NUP93: variants seen among roughly 807,000 people sequenced by gnomAD.
The protein encoded by NUP93 is nuclear pore complex protein Nup93.
NUP93 carries 55 observed loss-of-function variants against 107.8 expected under a neutral mutation model. The ratio of observed to expected loss-of-function variants is 0.51; its 90% CI spans 0.41 to 0.64. The LOEUF (loss-of-function observed/expected upper bound fraction) is 0.64, where lower values mean the gene tolerates loss of function less well. NUP93 is among the 30% of genes least tolerant of loss of function. The probability of loss-of-function intolerance (pLI) is 0.00; values close to 1 mark genes in which losing one functional copy is unlikely to be tolerated. For missense variants in NUP93, 937 were observed against 1,044.7 expected, an observed-to-expected ratio of 0.90 and a Z score of 1.42; for synonymous variants, 390 against 397.5, an observed-to-expected ratio of 0.98 and a Z score of 0.22.
At chr16:56,842,932 C>T (rs1286441586) in intron 21 of NUP93, among the ~76,000 whole-genome samples, 6 of 152,194 alleles carry the variant, frequency 3.9e-5, no homozygotes, top group African/African-American at 1.4e-4. Flanking sequence ...ATCTCAGTGT[C>T]TAACATCAGA....
chr16:56,759,537 A>C (rs1302768748), intron 3 of NUP93, among the ~76,000 whole-genome samples: 2 of 152,218 alleles, frequency 1.3e-5, no homozygotes, highest in African/African-American at 2.4e-5. Context: ...TGAGAGTTGA[A>C]GAACTATAGA....
intron 3 of NUP93, among the ~76,000 whole-genome samples, chr16:56,792,208 A>G (rs1026762268): frequency 6.6e-6 from 1 of 152,128 alleles, no homozygotes; most frequent in Admixed American, 6.6e-5. Flanking sequence ...ACAAAAAAAC[A>G]AAAAACTGGT....
intron 3 of NUP93, among the ~76,000 whole-genome samples, chr16:56,784,347 A>C (rs77755067): frequency 0.1 from 15,211 of 152,240 alleles, 782 homozygotes; most frequent in East Asian, 0.15. Context: ...TGATTAAAAT[A>C]CACAAGAAAC....
At chr16:56,773,364 G>T (rs1962356442) in intron 3 of NUP93, among the ~76,000 whole-genome samples, 1 of 152,172 alleles carries the variant, frequency 6.6e-6, no homozygotes, top group Non-Finnish European at 1.5e-5. Context: ...TATGGGATGG[G>T]GTTTATTTTG....
chr16:56,748,023 G>T (rs925412103), intron 1 of NUP93: 16 of 409,376 alleles, frequency 3.9e-5, no homozygotes, highest in African/African-American at 2.6e-4. Flanking sequence ...AATATGCACA[G>T]AAATGATCTG....
At chr16:56,841,882 G>A in intron 21 of NUP93, 49 bp downstream of exon 21, 1 of 1,607,034 alleles carries the variant, frequency 6.2e-7, no homozygotes, top group Non-Finnish European at 8.5e-7. Flanking sequence ...CACCTTTCTG[G>A]TTTGGAATCC....
chr16:56,775,191 G>A (rs1212598450), intron 3 of NUP93, among the ~76,000 whole-genome samples: 6 of 152,108 alleles, frequency 3.9e-5, no homozygotes, highest in Non-Finnish European at 5.9e-5. Flanking sequence ...GTGAGCCACC[G>A]CGCCCAGCCC....
rs1446382116 is a variant in NUP93, at chr16:56,823,074, G to A, written c.655-633G>A. On this transcript the variant is annotated intron_variant, in intron 7 of 21. Transcript: ENST00000308159. ...TTTAAGGAGCCATTTACAGGCAGAA[G>A]GATTCTGGGGAGAGGGAGTCCCAGC... Among the ~76,000 whole-genome samples the A allele has an allele frequency of 3.9e-5, 6 of 152,284 alleles. No homozygotes were observed. The East Asian group carries it at 1.2e-3, about 29-fold the overall frequency.
chr16:56,787,038 G>A (rs777965812), intron 3 of NUP93, among the ~76,000 whole-genome samples: 9 of 152,220 alleles, frequency 5.9e-5, no homozygotes, highest in Non-Finnish European at 1.0e-4. Context: ...AGCTCTGACA[G>A]GGTAAAGTCA....
intron 5 of NUP93, among the ~76,000 whole-genome samples, chr16:56,812,875 A>T (rs1796469937): frequency 6.6e-6 from 1 of 152,232 alleles, no homozygotes; most frequent in African/African-American, 2.4e-5. Flanking sequence ...GCATCTGCTC[A>T]GCATGAGGAA....
chr16:56,806,272 C>T (rs1963137264), intron 5 of NUP93, among the ~76,000 whole-genome samples: 1 of 151,840 alleles, frequency 6.6e-6, no homozygotes, highest in African/African-American at 2.4e-5. Flanking sequence ...CAGTCTCTTT[C>T]ACATGTTGAC....
intron 1 of NUP93, among the ~76,000 whole-genome samples, chr16:56,746,636 T>A (rs750188397): frequency 2.0e-5 from 3 of 152,256 alleles, no homozygotes; most frequent in Non-Finnish European, 4.4e-5. Flanking sequence ...AAGTTCTTAA[T>A]GGATTTATGG....
In NUP93 at chr16:56,849,567, G is replaced by T. The variant is rs1298144245; in HGVS notation, c.*4958G>T. 1 of 152,270 alleles carries T rather than the reference G, an allele frequency of 6.6e-6. No homozygotes were observed. 9.4% of individuals were successfully genotyped at this position (152,270 alleles called of 1,614,324 possible). On this transcript the variant is annotated 3_prime_UTR_variant, in exon 22 of 22. Coordinates refer to ENST00000308159, the MANE Select transcript of NUP93 (RefSeq NM_014669.5). ...GCCTCAGCAGACCTGGCCTAGGCAGGCTTTCAGGTGGCACCCAGGGGCTTT... is the reference window on the plus strand; with the variant it reads ...GCCTCAGCAGACCTGGCCTAGGCAGTCTTTCAGGTGGCACCCAGGGGCTTT...
chr16:56,810,666 A>G (rs1302566945), intron 5 of NUP93, among the ~76,000 whole-genome samples: 3 of 152,172 alleles, frequency 2.0e-5, no homozygotes, highest in African/African-American at 7.2e-5. Flanking sequence ...AAATTTTTAA[A>G]AAGTGTACAA....
At chr16:56,739,124 C>CA (rs1961660549) in intron 1 of NUP93, among the ~76,000 whole-genome samples, 1 of 143,028 alleles carries the variant, frequency 7.0e-6, no homozygotes, top group Non-Finnish European at 1.5e-5. Flanking sequence ...TCTTTCTACA[C>CA]AGACACGGCA....
chr16:56,752,197 A>AATT (rs1961933831), intron 2 of NUP93, among the ~76,000 whole-genome samples: 2 of 152,242 alleles, frequency 1.3e-5, no homozygotes, highest in Non-Finnish European at 2.9e-5. Context: ...ATTTAGACAT[A>AATT]GCTAGCAAAA....
chr16:56,820,300 A>G (rs1963517097), intron 6 of NUP93, among the ~76,000 whole-genome samples: 1 of 152,220 alleles, frequency 6.6e-6, no homozygotes, highest in Non-Finnish European at 1.5e-5. Context: ...GTTTAAAACC[A>G]TTTTATTGAT....
At chr16:56,798,647 C>T (rs574106375) in intron 4 of NUP93, 109 bp downstream of exon 4, 6 of 861,398 alleles carry the variant, frequency 7.0e-6, no homozygotes, top group East Asian at 5.2e-5. Context: ...GCAGGAAGTT[C>T]GCTTGAGCCC....
rs2144420183 is a variant in NUP93, at chr16:56,730,165, G to C, written c.-61G>C. On this transcript the variant is annotated 5_prime_UTR_variant, in exon 1 of 22. Coordinates refer to ENST00000308159, the MANE Select transcript of NUP93 (RefSeq NM_014669.5). ...GAGAGCGGCGCGAGAAGCGGCGGCC[G>C]CGTCCTCAAGCCGGCACCTGAGCGG... The C allele has an allele frequency of 6.6e-6, 1 of 152,600 alleles. No individual in the cohort carries two copies. The highest frequency in any genetic ancestry group is 1.9e-4 in the East Asian group (1 of 5,190). 9.5% of individuals were successfully genotyped at this position (152,600 alleles called of 1,614,324 possible). A position where few individuals can be genotyped will look rare whatever the true frequency, so the allele number is the denominator to read the frequency against.
Sources: allele counts gnomAD v4.1 joint callset (sites outside exome capture counted in the v4.1 genomes callset), GRCh38; gene constraint gnomAD v4.1.1; transcripts MANE v1.5; gene names NCBI Gene and HGNC (gene_info 2026-07-23, HGNC 2026-07-21).